Variants in COP1 observed in about 807,000 individuals in gnomAD.
COP1 encodes the protein E3 ubiquitin-protein ligase COP1.
A neutral mutation model predicts 101.3 loss-of-function variants in COP1; 24 were observed. The ratio of observed to expected loss-of-function variants is 0.24; its 90% CI spans 0.17 to 0.33. The LOEUF is 0.33. Among genes scored for constraint, COP1 ranks in the 10% least tolerant of loss-of-function variants. The probability of loss-of-function intolerance (pLI) is 1.00; values close to 1 mark genes in which losing one functional copy is unlikely to be tolerated. For synonymous variants in COP1, 347 were observed against 341.9 expected, an observed-to-expected ratio of 1.01 and a Z score of -0.17; for missense variants, 663 against 906.2, an observed-to-expected ratio of 0.73 and a Z score of 3.45.
chr1:175,966,618 T>C (rs1280599237), intron 18 of COP1, among the ~76,000 whole-genome samples: 1 of 152,210 alleles, frequency 6.6e-6, no homozygotes, highest in Admixed American at 6.5e-5. Flanking sequence ...GGCTTCATCC[T>C]GAATTTATTA....
At chr1:176,081,313 C>G (rs757589453) in intron 10 of COP1, 26 bp from the exon 11 acceptor site, 6 of 1,362,532 alleles carry the variant, frequency 4.4e-6, no homozygotes, top group South Asian at 2.9e-5. Flanking sequence ...AAAAAAAAGA[C>G]AAAACAGATG....
chr1:175,955,154 G>A (rs1043615003), intron 18 of COP1, among the ~76,000 whole-genome samples: 2 of 152,066 alleles, frequency 1.3e-5, no homozygotes, highest in African/African-American at 2.4e-5. Flanking sequence ...GGTTGAGGTG[G>A]GAGAATCACC....
At position 176,133,226 on chromosome 1, in the gene COP1, G is replaced by GTACGTATATGTACGTATGTACACACA. The variant is rs1558174497; in HGVS notation, c.968+1783_968+1784insTGTGTGTACATACGTACATATACGTA. 2.2e-3 allele frequency among the ~76,000 whole-genome samples: 124 copies of GTACGTATATGTACGTATGTACACACA among 55,872 alleles called. 4 individuals are homozygous for GTACGTATATGTACGTATGTACACACA. Among genetic ancestry groups the GTACGTATATGTACGTATGTACACACA allele is most frequent in the African/African-American group, 5.8e-3 (111 of 19,230 alleles). 36.7% of individuals were successfully genotyped at this position (55,872 alleles called of 152,430 possible). On this transcript the variant is annotated intron_variant, in intron 8 of 19. Coordinates refer to ENST00000367669, the MANE Select transcript of COP1 (RefSeq NM_022457.7). Reference sequence around the variant, plus strand: ...CGTATGTACACACATACGTATATACGTACGTATATGTACGTAGGTACACAC... The same window carrying GTACGTATATGTACGTATGTACACACA: ...CGTATGTACACACATACGTATATACGTACGTATATGTACGTATGTACACACATACGTATATGTACGTAGGTACACAC...
At chr1:176,063,767 A>G (rs1173134539) in intron 11 of COP1, among the ~76,000 whole-genome samples, 2 of 152,180 alleles carry the variant, frequency 1.3e-5, no homozygotes, top group Non-Finnish European at 2.9e-5. Context: ...ATAATTGTAA[A>G]AATACACAAA....
intron 18 of COP1, among the ~76,000 whole-genome samples, chr1:175,964,869 T>G (rs1183523721): frequency 1.3e-5 from 2 of 152,226 alleles, no homozygotes; most frequent in African/African-American, 4.8e-5. Flanking sequence ...ATACTATATC[T>G]GTTAATTCCT....
intron 3 of COP1, among the ~76,000 whole-genome samples, chr1:176,171,614 G>A (rs1696072539): frequency 6.6e-6 from 1 of 152,198 alleles, no homozygotes; most frequent in Non-Finnish European, 1.5e-5. Context: ...ACAGAGATAT[G>A]AAGTGAGCAC....
intron 15 of COP1, among the ~76,000 whole-genome samples, chr1:176,006,308 C>T (rs919746588): frequency 2.0e-5 from 3 of 152,080 alleles, no homozygotes; most frequent in African/African-American, 7.2e-5. Flanking sequence ...ATCCAATTTG[C>T]CAGTCTGTGT....
intron 11 of COP1, among the ~76,000 whole-genome samples, chr1:176,057,462 G>C (rs963599981): frequency 2.6e-5 from 4 of 152,284 alleles, no homozygotes; most frequent in East Asian, 1.9e-4. Flanking sequence ...AGCCTGCCGA[G>C]TGCCTGCGAT....
intron 11 of COP1, among the ~76,000 whole-genome samples, chr1:176,076,917 A>AT (rs1181545044): frequency 6.6e-6 from 1 of 152,184 alleles, no homozygotes; most frequent in Non-Finnish European, 1.5e-5. Flanking sequence ...GATTCAAACA[A>AT]TAAGAAAGTG....
chr1:176,108,856 C>T (rs374871944), intron 9 of COP1, among the ~76,000 whole-genome samples: 1 of 152,074 alleles, frequency 6.6e-6, no homozygotes, highest in Non-Finnish European at 1.5e-5. Context: ...GCTCATGCCT[C>T]TAATCCCAGC....
intron 3 of COP1, among the ~76,000 whole-genome samples, chr1:176,175,247 C>G (rs1338533609): frequency 6.6e-6 from 1 of 152,136 alleles, no homozygotes; most frequent in Non-Finnish European, 1.5e-5. Context: ...AAAGCAGAAA[C>G]AGTAGGGATG....
intron 9 of COP1, among the ~76,000 whole-genome samples, chr1:176,088,482 G>A (rs1015922229): frequency 1.3e-5 from 2 of 152,008 alleles, no homozygotes; most frequent in African/African-American, 2.4e-5. Context: ...TGTTCATCTC[G>A]GTATTGTGGG....
At chr1:176,018,291 T>C (rs1031077102) in intron 15 of COP1, 1 of 152,224 alleles carries the variant, frequency 6.6e-6, no homozygotes, top group Admixed American at 6.5e-5. Flanking sequence ...TTGTCAGTAA[T>C]TTAAAATAAT....
At chr1:176,077,245 T>C (rs1678219852) in intron 11 of COP1, among the ~76,000 whole-genome samples, 1 of 152,104 alleles carries the variant, frequency 6.6e-6, no homozygotes. Context: ...CTGTATTTGT[T>C]CAGCTTACAA....
chr1:176,055,236 C>T (rs1200800088), intron 11 of COP1, among the ~76,000 whole-genome samples: 1 of 152,188 alleles, frequency 6.6e-6, no homozygotes, highest in African/African-American at 2.4e-5. Context: ...GACTTTGAGA[C>T]CAGCCTGGCC....
chr1:176,103,468 C>G (rs1375320526), intron 9 of COP1, among the ~76,000 whole-genome samples: 2 of 152,190 alleles, frequency 1.3e-5, no homozygotes, highest in Non-Finnish European at 2.9e-5. Context: ...AGCATGCATG[C>G]CCAGAGAGGG....
chr1:175,949,449 T>C (rs1232586919), intron 18 of COP1, among the ~76,000 whole-genome samples: 1 of 152,168 alleles, frequency 6.6e-6, no homozygotes, highest in African/African-American at 2.4e-5. Flanking sequence ...ATTTCTATGC[T>C]GGCCTCAGAA....
At position 175,951,463 on chromosome 1, in the gene COP1, A is replaced by ATAT. The variant is rs1558154896; in HGVS notation, c.2134-4225_2134-4224insATA. ...ATATATATATATATATATATATATA[A>ATAT]AAACTTCCATTTTTGGCCATAACAG... is the stretch of plus-strand genomic sequence containing the variant. On this transcript the variant is annotated intron_variant, in intron 18 of 19. Coordinates refer to ENST00000367669, the MANE Select transcript of COP1 (RefSeq NM_022457.7). Among the ~76,000 whole-genome samples, 71 of 39,906 alleles carry ATAT rather than the reference A, an allele frequency of 1.8e-3. 4 individuals are homozygous for ATAT. The highest frequency in any genetic ancestry group is 6.3e-3 in the East Asian group (7 of 1,114). The allele number at this position is 39,906 out of a possible 152,430, so 26.2% of individuals were successfully genotyped here. A position where few individuals can be genotyped will look rare whatever the true frequency, so the allele number is the denominator to read the frequency against.
At chr1:176,087,179 A>T (rs556001378) in intron 9 of COP1, among the ~76,000 whole-genome samples, 3 of 152,358 alleles carry the variant, frequency 2.0e-5, no homozygotes, top group African/African-American at 7.2e-5. Flanking sequence ...AGGCAGTACC[A>T]TTCAGGACAT....
Sources: gnomAD v4.1 joint callset for allele counts (sites outside exome capture counted in the v4.1 genomes callset) on GRCh38, gnomAD v4.1.1 for gene constraint, MANE v1.5 for transcripts, NCBI Gene and HGNC (gene_info 2026-07-23, HGNC 2026-07-21) for gene names.